ZBTB22: variants seen among roughly 807,000 people sequenced by gnomAD.
ZBTB22 encodes the protein zinc finger and BTB domain containing 22.
For synonymous variants in ZBTB22, 356 were observed against 347.3 expected (o/e 1.03, Z -0.28); for missense variants, 668 against 834.1 (o/e 0.80, Z 2.45).
Position 33,316,308 on chromosome 6 carries a change from G to C in ZBTB22, c.609C>G (p.Pro203=). The C allele has an allele frequency of 6.2e-7, 1 of 1,614,014 alleles. No individual in the cohort carries two copies. Among genetic ancestry groups the C allele is most frequent in the Non-Finnish European group, 8.5e-7 (1 of 1,179,972 alleles). The change falls in exon 2 of 2, where the codon CCC becomes CCG. Residue 203 remains proline, a synonymous_variant. Transcript: ENST00000431845. The surrounding 1 kb of genome is among the most constrained non-coding windows in gnomAD (Gnocchi z 7.2). ...ASSRASENQS[P]SSSNYFSPRE... is the part of the protein sequence containing the mutation. ...TGGGGCTGAAGTAGTTGCTGCTGCTGGGAGATTGATTCTCACTGGCCCGGC... is the reference window on the plus strand; with the variant it reads ...TGGGGCTGAAGTAGTTGCTGCTGCTCGGAGATTGATTCTCACTGGCCCGGC...
In ZBTB22 at chr6:33,316,640, A is replaced by C; in HGVS notation, c.277T>G (p.Ser93Ala). Residue 93 changes from serine (S) to alanine (A), a missense_variant, in exon 2 of 2, where the codon TCC becomes GCC. Transcript: ENST00000431845. This position sits in a 1 kb window ranked among gnomAD's most constrained non-coding sequence, Gnocchi z 7.2. Reference sequence around the variant, plus strand: ...TCCATGACACTGGGCAGCGAGATGGAGGTCATGCCTTTGAGTAGGACCTGA... The same window carrying C: ...TCCATGACACTGGGCAGCGAGATGGCGGTCATGCCTTTGAGTAGGACCTGA... ...HDQVLLKGMT[S>A]ISLPSVMDPG... The C allele has an allele frequency of 6.2e-7, 1 of 1,614,192 alleles. No homozygotes were observed.
Position 33,316,443 on chromosome 6 carries a change from G to A in ZBTB22, c.474C>T (p.Ile158=). 1.2e-6 allele frequency: 2 copies of A among 1,614,180 alleles called. No homozygotes were observed. Among genetic ancestry groups the A allele is most frequent in the Non-Finnish European group, 1.7e-6 (2 of 1,180,040 alleles). ...REGRASATTT[I]TTAAATSVTV... is the part of the protein sequence containing the mutation. ...TGACAGAGGTGGCTGCAGCAGTAGT[G>A]ATGGTGGTGGTAGCTGAGGCCCGGC... Residue 158 remains isoleucine, a synonymous_variant, in exon 2 of 2, where the codon ATC becomes ATT. Transcript: ENST00000431845. The surrounding 1 kb of genome is among the most constrained non-coding windows in gnomAD (Gnocchi z 7.2).
In ZBTB22 at chr6:33,316,140, C is replaced by A. The variant is rs767897572; in HGVS notation, c.777G>T (p.Leu259=). Reference sequence around the variant, plus strand: ...CATCATCGCACAGCTCATCTGCCTCCAGCAGCAGCTTTCCAGATGTGGCCC... The same window carrying A: ...CATCATCGCACAGCTCATCTGCCTCAAGCAGCAGCTTTCCAGATGTGGCCC... ...SGGATSGKLL[L]EADELCDDGG... Residue 259 remains leucine (L), a synonymous_variant, in exon 2 of 2, where the codon CTG becomes CTT. Coordinates refer to ENST00000431845, the MANE Select transcript of ZBTB22 (RefSeq NM_005453.5). This position sits in a 1 kb window ranked among gnomAD's most constrained non-coding sequence, Gnocchi z 7.2. 3.7e-6 allele frequency: 6 copies of A among 1,613,808 alleles called. No homozygotes were observed. In the Admixed American group the frequency reaches 1.0e-4, roughly 27 times the overall value.
rs1769665088 is a variant in ZBTB22, at chr6:33,314,460, A to T, written c.*552T>A. The T allele has an allele frequency of 1.3e-5, 3 of 239,096 alleles. No individual in the cohort carries two copies. The highest frequency in any genetic ancestry group is 6.8e-5 in the African/African-American group (3 of 44,400). 14.8% of individuals were successfully genotyped at this position (239,096 alleles called of 1,614,324 possible). On this transcript the variant is annotated 3_prime_UTR_variant, in exon 2 of 2. Coordinates refer to ENST00000431845, the MANE Select transcript of ZBTB22 (RefSeq NM_005453.5). ...TTTTAATCACTGTTAAAAAAAATAA[A>T]AACCTTGTACTCCTACGACTTACTC... is the stretch of plus-strand genomic sequence containing the variant.
chr6:33,314,745 A>G lies in ZBTB22; in HGVS notation c.*267T>C, dbSNP rs377613493. ...CCCCCTCTCCCTCCCTCCATGTGCAATCTACTCTGTGGAGCAGGGGCTTCA... is the reference window on the plus strand; with the variant it reads ...CCCCCTCTCCCTCCCTCCATGTGCAGTCTACTCTGTGGAGCAGGGGCTTCA... On this transcript the variant is annotated 3_prime_UTR_variant, in exon 2 of 2. Coordinates refer to ENST00000431845, the MANE Select transcript of ZBTB22 (RefSeq NM_005453.5). The G allele has an allele frequency of 5.6e-6, 3 of 533,848 alleles. No homozygotes were observed. Among genetic ancestry groups the G allele is most frequent in the East Asian group, 3.3e-5 (1 of 30,148 alleles). 33.1% of individuals were successfully genotyped at this position (533,848 alleles called of 1,614,324 possible).
intron 1 of ZBTB22, among the ~76,000 whole-genome samples, chr6:33,317,262 G>A (rs760856181): frequency 6.6e-6 from 1 of 152,192 alleles, no homozygotes; most frequent in Non-Finnish European, 1.5e-5. Context: ...GCTCTTAGGG[G>A]CTGGAGTGGC....
chr6:33,315,158 G>C lies in ZBTB22; in HGVS notation c.1759C>G (p.Pro587Ala). 6.2e-7 allele frequency: 1 copy of C among 1,613,090 alleles called. No individual in the cohort carries two copies. Among genetic ancestry groups the C allele is most frequent in the Non-Finnish European group, 8.5e-7 (1 of 1,179,446 alleles). The change falls in exon 2 of 2, where the codon CCG (proline) becomes GCG (alanine). Residue 587 changes from proline to alanine, a missense_variant. Transcript: ENST00000431845. This position sits in a 1 kb window ranked among gnomAD's most constrained non-coding sequence, Gnocchi z 5.4. ...GPGTPTGPSL[P>A]SKRESPGVGG... The stretch of plus-strand genomic sequence containing the variant: ...ACTCCGGGAGACTCTCTCTTGGACG[G>C]CAAGGATGGCCCCGTGGGAGTCCCA...
Position 33,315,672 on chromosome 6 carries a change from C to T in ZBTB22, c.1245G>A (p.Pro415=), listed in dbSNP as rs770677352. Residue 415 remains proline (P), a synonymous_variant, in exon 2 of 2, where the codon CCG becomes CCA. Transcript: ENST00000431845. The surrounding 1 kb of genome is among the most constrained non-coding windows in gnomAD (Gnocchi z 5.4). The part of the protein sequence containing the change: ...SSYAPSHPPR[P]LLPLDMQGNQ... ...TGCCCTGCATGTCCAAGGGAAGGAG[C>T]GGTCGAGGAGGGTGGGAGGGGGCAT... is the stretch of plus-strand genomic sequence containing the variant. The T allele has an allele frequency of 9.9e-6, 16 of 1,613,616 alleles. No homozygotes were observed. The Admixed American group carries it at 2.3e-4, about 24-fold the overall frequency.
chr6:33,315,618 A>AGAC lies in ZBTB22; in HGVS notation c.1296_1298dup (p.Ser438dup), dbSNP rs746800317. 1.4e-5 allele frequency: 23 copies of AGAC among 1,613,800 alleles called. No individual in the cohort carries two copies. The highest frequency in any genetic ancestry group is 1.9e-5 in the Non-Finnish European group (22 of 1,179,962). On this transcript the variant is annotated inframe_insertion, in exon 2 of 2. Coordinates refer to ENST00000431845, the MANE Select transcript of ZBTB22 (RefSeq NM_005453.5). The surrounding 1 kb of genome is among the most constrained non-coding windows in gnomAD (Gnocchi z 5.4). ...CAGGAGCCTGTGAGGATGAGGATGA[A>AGAC]GACGACGACGGGAAGACCAGGATCT...
chr6:33,315,672 C>A lies in ZBTB22; in HGVS notation c.1245G>T (p.Pro415=), dbSNP rs770677352. The A allele has an allele frequency of 6.2e-7, 1 of 1,613,734 alleles. No homozygotes were observed. Among genetic ancestry groups the A allele is most frequent in the Admixed American group, 1.7e-5 (1 of 60,000 alleles). ...TGCCCTGCATGTCCAAGGGAAGGAGCGGTCGAGGAGGGTGGGAGGGGGCAT... is the reference window on the plus strand; with the variant it reads ...TGCCCTGCATGTCCAAGGGAAGGAGAGGTCGAGGAGGGTGGGAGGGGGCAT... ...SSYAPSHPPR[P]LLPLDMQGNQ... The change falls in exon 2 of 2, where the codon CCG becomes CCT. Residue 415 remains proline (P), a synonymous_variant. Coordinates refer to ENST00000431845, the MANE Select transcript of ZBTB22 (RefSeq NM_005453.5). This position sits in a 1 kb window ranked among gnomAD's most constrained non-coding sequence, Gnocchi z 5.4.
Position 33,315,501 on chromosome 6 carries a change from C to T in ZBTB22, c.1416G>A (p.Gly472=), listed in dbSNP as rs1241151321. The part of the protein sequence containing the change: ...GSLGVPGSVG[G]VPGGTGSGDG... ...CCCCACTGCCAGTCCCTCCAGGGACCCCACCAACGCTACCCGGCACACCCA... is the reference window on the plus strand; with the variant it reads ...CCCCACTGCCAGTCCCTCCAGGGACTCCACCAACGCTACCCGGCACACCCA... The change falls in exon 2 of 2, where the codon GGG becomes GGA. Residue 472 remains glycine (G), a synonymous_variant. Coordinates refer to ENST00000431845, the MANE Select transcript of ZBTB22 (RefSeq NM_005453.5). This position sits in a 1 kb window ranked among gnomAD's most constrained non-coding sequence, Gnocchi z 5.4. The T allele has an allele frequency of 1.9e-6, 3 of 1,613,862 alleles. No individual in the cohort carries two copies. The highest frequency in any genetic ancestry group is 1.3e-5 in the African/African-American group (1 of 74,856).
intron 1 of ZBTB22, 44 bp from the exon 2 acceptor site, chr6:33,317,029 G>A: frequency 1.5e-6 from 2 of 1,309,880 alleles, no homozygotes; most frequent in Admixed American, 2.9e-5. Context: ...ATCTCATAAC[G>A]ACACAGCCCG....
rs1562711180 is a variant in ZBTB22 at position 33,316,736 on chromosome 6, T to C, written c.181A>G (p.Ile61Val). 6.2e-7 allele frequency: 1 copy of C among 1,614,142 alleles called. No homozygotes were observed. The highest frequency in any genetic ancestry group is 2.2e-5 in the East Asian group (1 of 44,880). ...CGGAACTCCCGGCCCTGCACTCTGA[T>C]AGATACATCGCAGAGCTGGCCCTGC... is the stretch of plus-strand genomic sequence containing the variant. ...RLQGQLCDVS[I>V]RVQGREFRAH... The change falls in exon 2 of 2, where the codon ATC (isoleucine) becomes GTC (valine). Residue 61 changes from isoleucine to valine, a missense_variant. By Grantham distance (29) the Ile-to-Val change is conservative. Coordinates refer to ENST00000431845, the MANE Select transcript of ZBTB22 (RefSeq NM_005453.5). The surrounding 1 kb of genome is among the most constrained non-coding windows in gnomAD (Gnocchi z 7.2).
Position 33,316,442 on chromosome 6 carries a change from T to C in ZBTB22, c.475A>G (p.Thr159Ala). The change falls in exon 2 of 2, where the codon ACT becomes GCT. Residue 159 changes from threonine (T) to alanine (A), a missense_variant. Thr to Ala is a moderately conservative substitution (Grantham distance 58). Coordinates refer to ENST00000431845, the MANE Select transcript of ZBTB22 (RefSeq NM_005453.5). This position sits in a 1 kb window ranked among gnomAD's most constrained non-coding sequence, Gnocchi z 7.2. ...EGRASATTTI[T>A]TAAATSVTVP... Reference sequence around the variant, plus strand: ...GTGACAGAGGTGGCTGCAGCAGTAGTGATGGTGGTGGTAGCTGAGGCCCGG... The same window carrying C: ...GTGACAGAGGTGGCTGCAGCAGTAGCGATGGTGGTGGTAGCTGAGGCCCGG... 6.2e-7 allele frequency: 1 copy of C among 1,613,894 alleles called. No individual in the cohort carries two copies. The highest frequency in any genetic ancestry group is 8.5e-7 in the Non-Finnish European group (1 of 1,179,968).
Position 33,315,743 on chromosome 6 carries a change from G to T in ZBTB22, c.1174C>A (p.Pro392Thr). The change falls in exon 2 of 2, where the codon CCT becomes ACT. Residue 392 changes from proline to threonine, a missense_variant. Transcript: ENST00000431845. This position sits in a 1 kb window ranked among gnomAD's most constrained non-coding sequence, Gnocchi z 5.4. ...NDFGPYEGGG[P>T]VAGLDDSGGP... Reference sequence around the variant, plus strand: ...CCTGAGTCATCAAGACCTGCCACAGGACCCCCACCCTCATATGGGCCAAAG... The same window carrying T: ...CCTGAGTCATCAAGACCTGCCACAGTACCCCCACCCTCATATGGGCCAAAG... 2 of 1,612,976 alleles carry T rather than the reference G, an allele frequency of 1.2e-6. No individual in the cohort carries two copies. Among genetic ancestry groups the T allele is most frequent in the Admixed American group, 3.3e-5 (2 of 59,944 alleles).
rs764148199 is a variant in ZBTB22, at chr6:33,315,750, A to G, written c.1167T>C (p.Gly389=). The G allele has an allele frequency of 6.2e-7, 1 of 1,612,686 alleles. No homozygotes were observed. The highest frequency in any genetic ancestry group is 8.5e-7 in the Non-Finnish European group (1 of 1,179,346). ...CATCAAGACCTGCCACAGGACCCCC[A>G]CCCTCATATGGGCCAAAGTCATTGG... ...ESSNDFGPYE[G]GGPVAGLDDS... Residue 389 remains glycine (G), a synonymous_variant, in exon 2 of 2, where the codon GGT becomes GGC. Transcript: ENST00000431845. This position sits in a 1 kb window ranked among gnomAD's most constrained non-coding sequence, Gnocchi z 5.4.
At position 33,316,215 on chromosome 6, in the gene ZBTB22, C is replaced by A; in HGVS notation, c.702G>T (p.Glu234Asp). 1 of 1,614,150 alleles carries A rather than the reference C, an allele frequency of 6.2e-7. No individual in the cohort carries two copies. Among genetic ancestry groups the A allele is most frequent in the East Asian group, 2.2e-5 (1 of 44,884 alleles). Reference protein sequence around the residue: ...AFAASAVGSGERRGGGPVFPA... With the variant: ...AFAASAVGSGDRRGGGPVFPA... ...GGAATACAGGGCCACCTCCTCGACG[C>A]TCCCCACTGCCCACTGCAGAAGCTG... Residue 234 changes from glutamate (E) to aspartate (D), a missense_variant, in exon 2 of 2, where the codon GAG becomes GAT. Glu to Asp is a conservative substitution (Grantham distance 45, BLOSUM62 2). Coordinates refer to ENST00000431845, the MANE Select transcript of ZBTB22 (RefSeq NM_005453.5). This position sits in a 1 kb window ranked among gnomAD's most constrained non-coding sequence, Gnocchi z 7.2.
In ZBTB22 at chr6:33,315,706, G is replaced by A. The variant is rs1769814088; in HGVS notation, c.1211C>T (p.Pro404Leu). The A allele has an allele frequency of 6.2e-7, 1 of 1,612,942 alleles. No individual in the cohort carries two copies. Among genetic ancestry groups the A allele is most frequent in the Non-Finnish European group, 8.5e-7 (1 of 1,179,434 alleles). The change falls in exon 2 of 2, where the codon CCC (proline) becomes CTC (leucine). Residue 404 changes from proline (P) to leucine (L), a missense_variant. By Grantham distance (98) the Pro-to-Leu change is moderately conservative. Transcript: ENST00000431845. This position sits in a 1 kb window ranked among gnomAD's most constrained non-coding sequence, Gnocchi z 5.4. ...AGGGTGGGAGGGGGCATAGGAAGAG[G>A]GAGTTGGCCCCCCTGAGTCATCAAG... ...AGLDDSGGPTPSSYAPSHPPR... is the reference protein window; with the variant it reads ...AGLDDSGGPTLSSYAPSHPPR...
In ZBTB22 at chr6:33,316,065, G is replaced by A; in HGVS notation, c.852C>T (p.Pro284=). Residue 284 remains proline (P), a synonymous_variant, in exon 2 of 2, where the codon CCC becomes CCT. Transcript: ENST00000431845. This position sits in a 1 kb window ranked among gnomAD's most constrained non-coding sequence, Gnocchi z 7.2. ...GCATGATGCTAGGGGGTGTGTAGGTGGGTCTCCGGAGCCCAGCCCCAGGAA... is the reference window on the plus strand; with the variant it reads ...GCATGATGCTAGGGGGTGTGTAGGTAGGTCTCCGGAGCCCAGCCCCAGGAA... ...AVVPGAGLRR[P]TYTPPSIMPQ... 2.5e-6 allele frequency: 4 copies of A among 1,613,590 alleles called. No homozygotes were observed. Among genetic ancestry groups the A allele is most frequent in the Non-Finnish European group, 3.4e-6 (4 of 1,179,886 alleles).
Sources: allele counts gnomAD v4.1 joint callset (sites outside exome capture counted in the v4.1 genomes callset), GRCh38; gene constraint gnomAD v4.1.1; non-coding constraint Gnocchi (gnomAD v3.1); transcripts MANE v1.5; gene names NCBI Gene and HGNC (gene_info 2026-07-23, HGNC 2026-07-21).